FCHO2: variants seen among roughly 807,000 people sequenced by gnomAD.
FCHO2 encodes F-BAR domain only protein 2.
In FCHO2, 43 loss-of-function variants were observed where a neutral mutation model predicts 114.1. The observed-to-expected ratio is 0.38, with a 90% CI of 0.30 to 0.49. The LOEUF (loss-of-function observed/expected upper bound fraction) is 0.49, where lower values mean the gene tolerates loss of function less well. Ranked by LOEUF, FCHO2 falls within the 20% of genes least tolerant of loss-of-function variation. FCHO2 has a pLI of 0.97. For synonymous variants in FCHO2, 293 were observed against 315.2 expected (o/e 0.93, Z 0.75); for missense variants, 807 against 950.4 (o/e 0.85, Z 1.98).
chr5:73,021,129 C>T, intron 8 of FCHO2: 1 of 782,462 alleles, frequency 1.3e-6, no homozygotes, highest in South Asian at 1.3e-5. Context: ...CTGGAATCCT[C>T]AGGAAATCTT....
chr5:73,077,201 T>C, intron 20 of FCHO2, 137 bp from the exon 21 acceptor site: 4 of 547,766 alleles, frequency 7.3e-6, no homozygotes, highest in Admixed American at 8.3e-5. Flanking sequence ...TCTATAGTTA[T>C]GATAAAGGAT....
At chr5:72,997,223 C>A in intron 5 of FCHO2, 1 of 1,143,884 alleles carries the variant, frequency 8.7e-7, no homozygotes, top group Non-Finnish European at 1.3e-6. Context: ...ACATCCTGTC[C>A]GTTTCTTTGT....
intron 22 of FCHO2, among the ~76,000 whole-genome samples, chr5:73,080,963 C>A (rs7726559): frequency 0.3 from 45,223 of 151,806 alleles, 6,961 homozygotes; most frequent in East Asian, 0.44. Context: ...ATGTAAAATT[C>A]TCTGGGTGTG....
At chr5:73,008,861 A>G (rs1045133814) in intron 6 of FCHO2, among the ~76,000 whole-genome samples, 6 of 152,216 alleles carry the variant, frequency 3.9e-5, no homozygotes, top group African/African-American at 7.2e-5. Flanking sequence ...GGCATTCTAA[A>G]TAATACTATA....
chr5:73,062,721 A>G (rs1039464037), intron 17 of FCHO2, among the ~76,000 whole-genome samples: 2 of 152,038 alleles, frequency 1.3e-5, no homozygotes, highest in Non-Finnish European at 2.9e-5. Context: ...CGTCCCATGC[A>G]TGTACAACTT....
chr5:72,966,335 T>A (rs552467196), intron 1 of FCHO2, among the ~76,000 whole-genome samples: 5 of 152,344 alleles, frequency 3.3e-5, no homozygotes, highest in African/African-American at 1.2e-4. Flanking sequence ...TTTGTTTTTT[T>A]AGAGACAGGT....
chr5:73,051,416 C>A lies in FCHO2; in HGVS notation c.997+10C>A, dbSNP rs1314898671. The A allele has an allele frequency of 6.7e-7, 1 of 1,496,716 alleles. No individual in the cohort carries two copies. Among genetic ancestry groups the A allele is most frequent in the East Asian group, 2.5e-5 (1 of 40,184 alleles). 92.7% of individuals were successfully genotyped at this position (1,496,716 alleles called of 1,614,324 possible). A position where few individuals can be genotyped will look rare whatever the true frequency, so the allele number is the denominator to read the frequency against. ...GAAACAAATCAGAATGATATCCTTT[C>A]ATCATCTAGTATTCTTAAGGATTAT... On this transcript the variant is annotated intron_variant, in intron 12 of 25. Coordinates refer to ENST00000430046, the MANE Select transcript of FCHO2 (RefSeq NM_138782.3).
intron 22 of FCHO2, among the ~76,000 whole-genome samples, chr5:73,079,437 C>T (rs979760984): frequency 6.6e-6 from 1 of 152,042 alleles, no homozygotes; most frequent in Non-Finnish European, 1.5e-5. Context: ...GTTTATACGA[C>T]ATAGTAGCAT....
chr5:72,996,693 C>T (rs1754125796), intron 5 of FCHO2, among the ~76,000 whole-genome samples: 1 of 152,202 alleles, frequency 6.6e-6, no homozygotes, highest in Non-Finnish European at 1.5e-5. Context: ...ATGTGGGCCC[C>T]CGCAGGCTGC....
chr5:73,052,539 A>G (rs764384883), intron 13 of FCHO2, 32 bp downstream of exon 13: 44 of 1,515,210 alleles, frequency 2.9e-5, no homozygotes, highest in Admixed American at 4.6e-5. Flanking sequence ...CTCTTTATAT[A>G]AAAGTCTTTA....
intron 1 of FCHO2, among the ~76,000 whole-genome samples, chr5:72,958,942 C>G (rs1202489203): frequency 6.6e-6 from 1 of 152,134 alleles, no homozygotes; most frequent in Non-Finnish European, 1.5e-5. Context: ...ATGAATAATA[C>G]TTCTCTGAAT....
intron 8 of FCHO2, among the ~76,000 whole-genome samples, chr5:73,018,403 T>C (rs1281255448): frequency 1.3e-5 from 2 of 151,904 alleles, no homozygotes; most frequent in African/African-American, 4.8e-5. Flanking sequence ...TATGAACTTA[T>C]AATTGTACCA....
chr5:73,054,680 A>T (rs998638589), intron 15 of FCHO2, 131 bp downstream of exon 15: 16 of 614,124 alleles, frequency 2.6e-5, no homozygotes, highest in Non-Finnish European at 3.8e-5. Flanking sequence ...GGCTAGAAGG[A>T]TAATTATTTT....
intron 2 of FCHO2, among the ~76,000 whole-genome samples, chr5:72,975,619 C>G (rs901281313): frequency 6.6e-6 from 1 of 152,202 alleles, no homozygotes; most frequent in Non-Finnish European, 1.5e-5. Context: ...ATTCTTGTGC[C>G]TCAGCCTCTT....
rs193207979 is a variant in FCHO2, at chr5:73,087,515, T to C, written c.2246-74T>C. ...AGCACAGGACTGATGTAGTTTAGCT[T>C]ACTTGCTCATTTGATTCTATTTTGT... On this transcript the variant is annotated intron_variant, in intron 24 of 25. Coordinates refer to ENST00000430046, the MANE Select transcript of FCHO2 (RefSeq NM_138782.3). The C allele has an allele frequency of 7.8e-6, 12 of 1,529,240 alleles. No homozygotes were observed. The East Asian group carries it at 1.9e-4, about 24-fold the overall frequency. 94.7% of individuals were successfully genotyped at this position (1,529,240 alleles called of 1,614,324 possible).
At chr5:73,036,079 TA>T (rs1286086541) in intron 9 of FCHO2, among the ~76,000 whole-genome samples, 2 of 151,964 alleles carry the variant, frequency 1.3e-5, no homozygotes, top group Non-Finnish European at 2.9e-5. Flanking sequence ...CTCCTGACCT[TA>T]GGTGATCCGC....
At position 73,037,128 on chromosome 5, in the gene FCHO2, A is replaced by G. The variant is rs1756551304; in HGVS notation, c.842-15A>G. 4 of 1,470,032 alleles carry G rather than the reference A, an allele frequency of 2.7e-6. No individual in the cohort carries two copies. Among genetic ancestry groups the G allele is most frequent in the Non-Finnish European group, 3.7e-6 (4 of 1,077,658 alleles). The allele number at this position is 1,470,032 out of a possible 1,614,324, so 91.1% of individuals were successfully genotyped here. A position where few individuals can be genotyped will look rare whatever the true frequency, so the allele number is the denominator to read the frequency against. On this transcript the variant is annotated splice_polypyrimidine_tract_variant and intron_variant, in intron 9 of 25. Coordinates refer to ENST00000430046, the MANE Select transcript of FCHO2 (RefSeq NM_138782.3). The stretch of plus-strand genomic sequence containing the variant: ...AATGTTTATGTTTCTGTAACAATAT[A>G]TATTTATTTTAAAGGTATAAAACCA...
chr5:73,059,929 A>G (rs1005150841), intron 17 of FCHO2, among the ~76,000 whole-genome samples: 5 of 152,020 alleles, frequency 3.3e-5, no homozygotes, highest in Admixed American at 6.6e-5. Flanking sequence ...AGGAGTTCTC[A>G]GCAGTATTTT....
chr5:72,970,757 A>G (rs2112609699), intron 2 of FCHO2, among the ~76,000 whole-genome samples: 1 of 151,908 alleles, frequency 6.6e-6, no homozygotes, highest in South Asian at 2.1e-4. Flanking sequence ...TGTGCAGGTT[A>G]GTTACATATG....
Sources: gnomAD v4.1 joint callset for allele counts (sites outside exome capture counted in the v4.1 genomes callset) on GRCh38, gnomAD v4.1.1 for gene constraint, MANE v1.5 for transcripts, NCBI Gene and HGNC (gene_info 2026-07-23, HGNC 2026-07-21) for gene names.